Variants in GPR35 observed in about 807,000 individuals in gnomAD.
GPR35 encodes G protein-coupled receptor 35, also known as KYNA receptor.
For missense variants in GPR35, 372 were observed against 422.5 expected, an observed-to-expected ratio of 0.88 and a Z score of 1.05; for synonymous variants, 207 against 198.4, an observed-to-expected ratio of 1.04 and a Z score of -0.36.
rs1217253683 is a variant in GPR35 at position 240,631,489 on chromosome 2, G to T, written c.*607G>T. ...CCCCAGCCCAGGTTTCCTTGCTCAA[G>T]ACAGGGCTGGGAGCAGCTGATCTCC... On this transcript the variant is annotated 3_prime_UTR_variant, in exon 2 of 2. Transcript: ENST00000407714. Among the ~76,000 whole-genome samples, 1 of 151,472 alleles carries T rather than the reference G, an allele frequency of 6.6e-6. No individual in the cohort carries two copies. The highest frequency in any genetic ancestry group is 1.5e-5 in the Non-Finnish European group (1 of 67,814).
chr2:240,615,665 G>T (rs922381443), intron 2 of GPR35, among the ~76,000 whole-genome samples: 2 of 152,170 alleles, frequency 1.3e-5, no homozygotes, highest in African/African-American at 4.8e-5. Flanking sequence ...TACAAAAAAT[G>T]CCACATGAAT....
At chr2:240,626,066 G>T (rs1404838949) in intron 1 of GPR35, among the ~76,000 whole-genome samples, 1 of 30,158 alleles carries the variant, frequency 3.3e-5, no homozygotes, top group Non-Finnish European at 7.0e-5. Flanking sequence ...TGTGATGGGG[G>T]TCTCAGAGTG....
At chr2:240,617,959 C>T (rs1277140597) in intron 4 of GPR35, among the ~76,000 whole-genome samples, 3 of 152,186 alleles carry the variant, frequency 2.0e-5, no homozygotes, top group Non-Finnish European at 4.4e-5. Context: ...AAGAGCCCCT[C>T]TTCCTCTTCA....
chr2:240,610,015 A>C (rs2043167568), intron 2 of GPR35, among the ~76,000 whole-genome samples: 1 of 151,230 alleles, frequency 6.6e-6, no homozygotes, highest in Non-Finnish European at 1.5e-5. Context: ...GCTAGAGTGC[A>C]GTGGCGCAAT....
At position 240,630,816 on chromosome 2, in the gene GPR35, A is replaced by G; in HGVS notation, c.864A>G (p.Ala288=). 1 of 1,613,148 alleles carries G rather than the reference A, an allele frequency of 6.2e-7. No individual in the cohort carries two copies. The highest frequency in any genetic ancestry group is 8.5e-7 in the Non-Finnish European group (1 of 1,179,978). ...CCAAGGAGTTCCAGGAGGCGTCTGCACTGGCCGTGGCTCCCAGTGCTAAGG... is the reference window on the plus strand; with the variant it reads ...CCAAGGAGTTCCAGGAGGCGTCTGCGCTGGCCGTGGCTCCCAGTGCTAAGG... ...YMAKEFQEAS[A]LAVAPSAKAH... is the part of the protein sequence containing the mutation. The change falls in exon 2 of 2, where the codon GCA becomes GCG. Residue 288 remains alanine (A), a synonymous_variant. Coordinates refer to ENST00000407714, the MANE Select transcript of GPR35 (RefSeq NM_005301.5).
chr2:240,627,655 T>TTTTTTTTTG (rs2043393710), intron 1 of GPR35: 1 of 120,180 alleles, frequency 8.3e-6, no homozygotes, highest in Non-Finnish European at 1.8e-5. Context: ...TTTTTTTTTT[T>TTTTTTTTTG]GTAGAGACGG....
intron 4 of GPR35, among the ~76,000 whole-genome samples, chr2:240,618,281 C>G (rs534168719): frequency 3.8e-4 from 58 of 152,292 alleles, no homozygotes; most frequent in African/African-American, 1.3e-3. Context: ...ACACTACCAT[C>G]AACAGTATAT....
chr2:240,608,092 A>G (rs562512373), intron 2 of GPR35, among the ~76,000 whole-genome samples: 96 of 152,182 alleles, frequency 6.3e-4, no homozygotes, highest in African/African-American at 2.0e-3. Context: ...GGGTCTTGCT[A>G]TGTTGCTCGG....
rs1400720547 is a variant in GPR35, at chr2:240,632,375, G to A, written c.*1493G>A. 2.6e-5 allele frequency among the ~76,000 whole-genome samples: 4 copies of A among 151,690 alleles called. No homozygotes were observed. The highest frequency in any genetic ancestry group is 5.9e-5 in the Non-Finnish European group (4 of 67,866). On this transcript the variant is annotated 3_prime_UTR_variant, in exon 2 of 2. Transcript: ENST00000407714. ...TGTCCAGGAGGCTCCATGCCCAGGA[G>A]GCTCCATGTCAAGAAAGATTCATGC... is the stretch of plus-strand genomic sequence containing the variant.
At position 240,632,736 on chromosome 2, in the gene GPR35, T is replaced by A. The variant is rs2975789; in HGVS notation, c.*1854T>A. 0.2 allele frequency among the ~76,000 whole-genome samples: 30,114 copies of A among 151,796 alleles called. 3,613 individuals carry two copies. The highest frequency in any genetic ancestry group is 0.37 in the Middle Eastern group (110 of 294). On this transcript the variant is annotated 3_prime_UTR_variant, in exon 2 of 2. Transcript: ENST00000407714. ...GAAGGCCCATGCCCAGGAGGGTCCA[T>A]GCCCAGGCCAGTTCATGCACAGGAG... is the stretch of plus-strand genomic sequence containing the variant.
chr2:240,609,717 A>T (rs2043165239), intron 2 of GPR35, among the ~76,000 whole-genome samples: 1 of 152,228 alleles, frequency 6.6e-6, no homozygotes, highest in Non-Finnish European at 1.5e-5. Flanking sequence ...TTCTATAAAC[A>T]TCAGTTTGGA....
chr2:240,611,897 C>G (rs1343166559), intron 2 of GPR35, among the ~76,000 whole-genome samples: 1 of 152,072 alleles, frequency 6.6e-6, no homozygotes. Flanking sequence ...AGTCCAGGAC[C>G]AAACCCTGAG....
chr2:240,616,847 GGTAGCCAGATGCCATGCTGT>G, intron 3 of GPR35: 1 of 712,338 alleles, frequency 1.4e-6, no homozygotes, highest in East Asian at 2.7e-5. Flanking sequence ...CTGGCTCTGG[GGTAGCCAGATGCCATGCTGT>G]GTGCTGCCCT....
chr2:240,622,803 G>T (rs944712097), upstream of GPR35, among the ~76,000 whole-genome samples: 2 of 152,230 alleles, frequency 1.3e-5, no homozygotes, highest in Admixed American at 6.5e-5. Flanking sequence ...AACCTTGGGG[G>T]TGAGGGGGCA....
chr2:240,605,516 C>T (rs2043124072), exon 1 of GPR35: 1 of 152,312 alleles, frequency 6.6e-6, no homozygotes, highest in African/African-American at 2.4e-5. Flanking sequence ...CTGCCGTCTT[C>T]TCTTTCACAG....
chr2:240,612,246 C>T (rs2043188482), intron 2 of GPR35, among the ~76,000 whole-genome samples: 1 of 150,916 alleles, frequency 6.6e-6, no homozygotes, highest in African/African-American at 2.4e-5. Flanking sequence ...CTGGCTAGCA[C>T]AGTGAAACCC....
At chr2:240,625,609 A>G in intron 1 of GPR35, 41 bp downstream of exon 1, 2 of 909,960 alleles carry the variant, frequency 2.2e-6, no homozygotes, top group Non-Finnish European at 2.6e-6. Flanking sequence ...CCAGCGGGGC[A>G]GGGGCATGGT....
At chr2:240,622,640 G>A (rs1434598926), upstream of GPR35, among the ~76,000 whole-genome samples, 2 of 152,258 alleles carry the variant, frequency 1.3e-5, no homozygotes, top group Non-Finnish European at 2.9e-5. Context: ...TGCTGCAGAG[G>A]CTCCCCTAGA....
chr2:240,612,744 A>T (rs891110947), intron 2 of GPR35, among the ~76,000 whole-genome samples: 8 of 152,206 alleles, frequency 5.3e-5, no homozygotes, highest in African/African-American at 1.9e-4. Context: ...CCTCGGGAGG[A>T]GGCAAACAGC....
Sources: gnomAD v4.1 joint callset for allele counts (sites outside exome capture counted in the v4.1 genomes callset) on GRCh38, gnomAD v4.1.1 for gene constraint, MANE v1.5 for transcripts, NCBI Gene and HGNC (gene_info 2026-07-23, HGNC 2026-07-21) for gene names.